TMEFF2: variants seen among roughly 807,000 people sequenced by gnomAD.
TMEFF2 encodes transmembrane protein with EGF like and two follistatin like domains 2, also known as tomoregulin-2.
TMEFF2 carries 28 observed loss-of-function variants against 53.8 expected under a neutral mutation model. That is an observed-to-expected ratio of 0.52 (90% confidence interval 0.39 to 0.71). TMEFF2 has a LOEUF of 0.71. TMEFF2 is among the 30% of genes least tolerant of loss of function. The pLI, the probability that TMEFF2 is intolerant of heterozygous loss-of-function variation, is 0.00. For missense variants in TMEFF2, 353 were observed against 455.2 expected (o/e 0.78, Z 2.04); for synonymous variants, 162 against 166.3 (o/e 0.97, Z 0.20).
At chr2:192,064,931 A>AT (rs1688133110) in intron 4 of TMEFF2, among the ~76,000 whole-genome samples, 3 of 151,906 alleles carry the variant, frequency 2.0e-5, no homozygotes, top group Admixed American at 2.0e-4. Flanking sequence ...AGCCTCTGGG[A>AT]TTTTGAGGTC....
At chr2:192,085,118 G>C (rs577063185) in intron 4 of TMEFF2, among the ~76,000 whole-genome samples, 1 of 152,238 alleles carries the variant, frequency 6.6e-6, no homozygotes, top group East Asian at 1.9e-4. Context: ...GAGAATCAGA[G>C]AGAATGGCCC....
At chr2:192,163,241 T>C (rs1187443970) in intron 4 of TMEFF2, among the ~76,000 whole-genome samples, 6 of 152,174 alleles carry the variant, frequency 3.9e-5, no homozygotes, top group Non-Finnish European at 8.8e-5. Flanking sequence ...GGTAAAGCGC[T>C]ATTGTGTGGA....
intron 3 of TMEFF2, among the ~76,000 whole-genome samples, chr2:192,183,413 G>C (rs987999311): frequency 6.6e-6 from 1 of 151,864 alleles, no homozygotes; most frequent in African/African-American, 2.4e-5. Context: ...ATCTAAGAGG[G>C]ACTTTTGAAT....
At chr2:192,051,230 G>GTTTTTT (rs10666491) in intron 5 of TMEFF2, among the ~76,000 whole-genome samples, 4 of 145,634 alleles carry the variant, frequency 2.7e-5, no homozygotes, top group Admixed American at 6.8e-5. Flanking sequence ...TTTTTTCTGG[G>GTTTTTT]TTTTTTTTTT....
chr2:192,191,803 G>T, intron 2 of TMEFF2, 77 bp downstream of exon 2: 1 of 1,053,294 alleles, frequency 9.5e-7, no homozygotes. Flanking sequence ...AAATTTCCAA[G>T]TGATAGGCTG....
At chr2:192,138,244 AT>A (rs1306790415) in intron 4 of TMEFF2, among the ~76,000 whole-genome samples, 2 of 152,264 alleles carry the variant, frequency 1.3e-5, no homozygotes, top group African/African-American at 4.8e-5. Flanking sequence ...AAGCATGTCC[AT>A]AGAAAAGGCA....
At chr2:192,089,106 G>A (rs963534911) in intron 4 of TMEFF2, among the ~76,000 whole-genome samples, 1 of 152,098 alleles carries the variant, frequency 6.6e-6, no homozygotes, top group Non-Finnish European at 1.5e-5. Context: ...CTTGGGGATT[G>A]AATTGCTCCA....
At chr2:191,971,725 C>A (rs1014224757) in intron 7 of TMEFF2, among the ~76,000 whole-genome samples, 10 of 152,096 alleles carry the variant, frequency 6.6e-5, no homozygotes, top group Non-Finnish European at 1.2e-4. Context: ...TTAAATACTA[C>A]AGGTATAGTA....
chr2:192,017,547 CTTG>C (rs1686769940), intron 5 of TMEFF2, among the ~76,000 whole-genome samples: 2 of 152,172 alleles, frequency 1.3e-5, no homozygotes, highest in South Asian at 4.1e-4. Context: ...CTTTTTCTCA[CTTG>C]TTGTGTTACC....
chr2:192,167,861 A>G (rs1485590714), intron 4 of TMEFF2, among the ~76,000 whole-genome samples: 1 of 152,194 alleles, frequency 6.6e-6, no homozygotes, highest in Non-Finnish European at 1.5e-5. Flanking sequence ...ACTGGGAAGT[A>G]GAAGAGTGGC....
chr2:192,056,174 T>C (rs567440667), intron 5 of TMEFF2, among the ~76,000 whole-genome samples: 29 of 152,158 alleles, frequency 1.9e-4, no homozygotes, highest in Non-Finnish European at 2.2e-4. Flanking sequence ...ATCAAAATGA[T>C]GGTTAACTGC....
intron 4 of TMEFF2, among the ~76,000 whole-genome samples, chr2:192,112,470 C>G (rs1689304607): frequency 6.6e-6 from 1 of 152,142 alleles, no homozygotes; most frequent in South Asian, 2.1e-4. Flanking sequence ...AATGCCTGTA[C>G]CTCTATTGTA....
At chr2:192,056,386 G>A (rs1236208249) in intron 5 of TMEFF2, among the ~76,000 whole-genome samples, 2 of 151,988 alleles carry the variant, frequency 1.3e-5, no homozygotes, top group African/African-American at 4.8e-5. Context: ...AGAAGAAGAG[G>A]AAGTGGAAGA....
intron 2 of TMEFF2, among the ~76,000 whole-genome samples, chr2:192,186,874 T>G (rs1420889984): frequency 6.6e-6 from 1 of 152,182 alleles, no homozygotes. Context: ...CAAGTGCTAG[T>G]ACACAATGCT....
intron 7 of TMEFF2, among the ~76,000 whole-genome samples, chr2:191,960,122 C>T (rs1249468384): frequency 6.6e-6 from 1 of 152,242 alleles, no homozygotes; most frequent in East Asian, 1.9e-4. Context: ...ATCCACCTGC[C>T]TCAGCCTCCC....
At chr2:192,001,657 T>G (rs900648771) in intron 5 of TMEFF2, among the ~76,000 whole-genome samples, 4 of 152,138 alleles carry the variant, frequency 2.6e-5, no homozygotes, top group African/African-American at 9.6e-5. Context: ...GGTATTTCCC[T>G]TGCTGTTCTC....
Position 191,953,941 on chromosome 2 carries a change from G to GT in TMEFF2, c.870-105dup, listed in dbSNP as rs572257846. ...GTCTCGCTCTGTCGCCCAGGCTGGA[G>GT]TGCAGTGGCGCATCTCGGCTCACTG... On this transcript the variant is annotated intron_variant, in intron 8 of 9. Transcript: ENST00000272771. The GT allele has an allele frequency of 5.0e-6, 5 of 1,004,110 alleles. No homozygotes were observed. In the South Asian group the frequency reaches 1.0e-4, roughly 20 times the overall value. The allele number at this position is 1,004,110 out of a possible 1,614,324, so 62.2% of individuals were successfully genotyped here.
At chr2:192,175,026 A>G (rs1365603865) in intron 4 of TMEFF2, among the ~76,000 whole-genome samples, 1 of 151,630 alleles carries the variant, frequency 6.6e-6, no homozygotes, top group Non-Finnish European at 1.5e-5. Context: ...CAGAGGAATA[A>G]TTTTCTTTTC....
rs1224839993 is a variant in TMEFF2 at position 191,949,996 on chromosome 2, C to G, written c.*315G>C. The G allele has an allele frequency of 9.0e-7, 1 of 1,108,448 alleles. No homozygotes were observed. The highest frequency in any genetic ancestry group is 1.7e-5 in the African/African-American group (1 of 60,360). 68.7% of individuals were successfully genotyped at this position (1,108,448 alleles called of 1,614,324 possible). A position where few individuals can be genotyped will look rare whatever the true frequency, so the allele number is the denominator to read the frequency against. On this transcript the variant is annotated 3_prime_UTR_variant, in exon 10 of 10. Transcript: ENST00000272771. ...TGATTATATTTACAGTTATGAGATA[C>G]CGCAAATTTAAGAATGCCAATTTTT...
Sources: gnomAD v4.1 joint callset for allele counts (sites outside exome capture counted in the v4.1 genomes callset) on GRCh38, gnomAD v4.1.1 for gene constraint, MANE v1.5 for transcripts, NCBI Gene and HGNC (gene_info 2026-07-23, HGNC 2026-07-21) for gene names.